Variants in AKT3 observed in about 807,000 individuals in gnomAD.
The protein encoded by AKT3 is RAC-gamma serine/threonine-protein kinase.
In AKT3, 15 loss-of-function variants were observed where a neutral mutation model predicts 65.3. The ratio of observed to expected loss-of-function variants is 0.23; its 90% CI spans 0.15 to 0.35. AKT3 has a LOEUF of 0.35. Among genes scored for constraint, AKT3 ranks in the 10% least tolerant of loss-of-function variants. The pLI, the probability that AKT3 is intolerant of heterozygous loss-of-function variation, is 1.00. For synonymous variants in AKT3, 206 were observed against 183.8 expected (o/e 1.12, Z -0.98); for missense variants, 243 against 576.5 (o/e 0.42, Z 5.92).
intron 2 of AKT3, among the ~76,000 whole-genome samples, chr1:243,795,750 C>T (rs1227490252): frequency 2.6e-5 from 4 of 152,024 alleles, no homozygotes; most frequent in African/African-American, 9.7e-5. Flanking sequence ...GGATTACAGG[C>T]GTGAGCCACC....
intron 4 of AKT3, among the ~76,000 whole-genome samples, chr1:243,656,917 G>A (rs1681846130): frequency 6.6e-6 from 1 of 152,104 alleles, no homozygotes; most frequent in Non-Finnish European, 1.5e-5. Context: ...AATTAGTGGT[G>A]TATCCAATAA....
chr1:243,628,424 G>T (rs1376045225), intron 6 of AKT3, among the ~76,000 whole-genome samples: 1 of 152,002 alleles, frequency 6.6e-6, no homozygotes, highest in Admixed American at 6.6e-5. Flanking sequence ...TCAGCCAAAT[G>T]AGTAGCTGGT....
intron 8 of AKT3, among the ~76,000 whole-genome samples, chr1:243,610,773 T>A (rs976176828): frequency 3.9e-5 from 6 of 152,320 alleles, no homozygotes; most frequent in African/African-American, 1.2e-4. Context: ...GACAAACATA[T>A]ATACACATGT....
intron 13 of AKT3, among the ~76,000 whole-genome samples, chr1:243,490,329 G>T (rs113873048): frequency 6.6e-6 from 1 of 152,222 alleles, no homozygotes; most frequent in Non-Finnish European, 1.5e-5. Context: ...GTGGGGGAGC[G>T]GGCCGCTCAA....
intron 2 of AKT3, among the ~76,000 whole-genome samples, chr1:243,716,929 A>T (rs550332828): frequency 2.0e-5 from 3 of 152,358 alleles, no homozygotes; most frequent in Non-Finnish European, 1.5e-5. Flanking sequence ...CAAAGAATAC[A>T]GGTAGCCCTT....
intron 2 of AKT3, among the ~76,000 whole-genome samples, chr1:243,698,125 C>T (rs746126994): frequency 2.6e-5 from 4 of 151,954 alleles, no homozygotes; most frequent in Admixed American, 6.6e-5. Flanking sequence ...TCCTTAATTG[C>T]TCTTATTTTA....
chr1:243,710,116 C>A (rs1223814271), intron 2 of AKT3, among the ~76,000 whole-genome samples: 1 of 152,084 alleles, frequency 6.6e-6, no homozygotes, highest in Non-Finnish European at 1.5e-5. Flanking sequence ...GCTATTCATG[C>A]AGTATTTTGA....
intron 2 of AKT3, among the ~76,000 whole-genome samples, chr1:243,795,693 G>A (rs1423546052): frequency 4.0e-5 from 6 of 151,236 alleles, no homozygotes; most frequent in African/African-American, 4.9e-5. Flanking sequence ...GGATGGTCTC[G>A]ATCTCCTGAC....
intron 8 of AKT3, among the ~76,000 whole-genome samples, chr1:243,591,155 A>T (rs1422185596): frequency 6.6e-6 from 1 of 152,222 alleles, no homozygotes; most frequent in African/African-American, 2.4e-5. Flanking sequence ...ATTGCCTCGG[A>T]GTCTCATTGA....
At chr1:243,725,443 T>C (rs539160444) in intron 2 of AKT3, among the ~76,000 whole-genome samples, 12 of 151,936 alleles carry the variant, frequency 7.9e-5, no homozygotes, top group East Asian at 5.8e-4. Context: ...GAAAAAAAAT[T>C]ATAACACCAC....
chr1:243,586,248 T>C (rs1574657489), intron 8 of AKT3, among the ~76,000 whole-genome samples: 1 of 152,252 alleles, frequency 6.6e-6, no homozygotes, highest in East Asian at 1.9e-4. Context: ...TACAATAACA[T>C]GTTGACAAGG....
At chr1:243,629,003 A>G (rs1001580802) in intron 6 of AKT3, among the ~76,000 whole-genome samples, 3 of 152,246 alleles carry the variant, frequency 2.0e-5, no homozygotes, top group Non-Finnish European at 4.4e-5. Context: ...TGTGCCAGGC[A>G]TGGTGGCTCA....
chr1:243,748,244 T>C (rs903040029), intron 2 of AKT3, among the ~76,000 whole-genome samples: 8 of 152,008 alleles, frequency 5.3e-5, no homozygotes, highest in African/African-American at 1.7e-4. Flanking sequence ...TTGTAAAAAA[T>C]TGTGGATAGG....
chr1:243,545,522 T>C lies in AKT3; in HGVS notation c.1239A>G (p.Val413=), dbSNP rs375934574. ...AAAGAAATCTTACCTTTTTATCATA[T>C]ACATCTTGCCAGTTTACTCCAGAGA... ...SFFSGVNWQD[V]YDKKLVPPFK... is the part of the protein sequence containing the mutation. Residue 413 remains valine, a synonymous_variant, in exon 12 of 14, where the codon GTA becomes GTG. Transcript: ENST00000673466. 1 of 1,609,238 alleles carries C rather than the reference T, an allele frequency of 6.2e-7. No individual in the cohort carries two copies. The highest frequency in any genetic ancestry group is 8.5e-7 in the Non-Finnish European group (1 of 1,176,048).
At chr1:243,578,183 G>T (rs1280653744) in intron 8 of AKT3, among the ~76,000 whole-genome samples, 2 of 152,066 alleles carry the variant, frequency 1.3e-5, no homozygotes, top group East Asian at 3.9e-4. Flanking sequence ...TTTCATTACT[G>T]GGTATATACC....
At chr1:243,834,402 GAGT>G (rs1694753618) in intron 2 of AKT3, among the ~76,000 whole-genome samples, 1 of 152,128 alleles carries the variant, frequency 6.6e-6, no homozygotes, top group Admixed American at 6.5e-5. Context: ...ACTAATGAAG[GAGT>G]AGAAAACCAA....
At chr1:243,748,328 T>C (rs1195923083) in intron 2 of AKT3, among the ~76,000 whole-genome samples, 2 of 142,496 alleles carry the variant, frequency 1.4e-5, no homozygotes, top group African/African-American at 2.6e-5. Context: ...GCTATACTGA[T>C]TGAACAGAAA....
intron 2 of AKT3, among the ~76,000 whole-genome samples, chr1:243,717,302 T>C (rs1462660758): frequency 6.6e-6 from 1 of 152,218 alleles, no homozygotes; most frequent in Non-Finnish European, 1.5e-5. Flanking sequence ...CCAAGAGTCA[T>C]ACCCAGTGGC....
chr1:243,518,801 T>C (rs1282821639), intron 12 of AKT3, among the ~76,000 whole-genome samples: 1 of 152,200 alleles, frequency 6.6e-6, no homozygotes, highest in Non-Finnish European at 1.5e-5. Flanking sequence ...TTTCAAAAAA[T>C]TTCTGCACCA....
Sources: gnomAD v4.1 joint callset for allele counts (sites outside exome capture counted in the v4.1 genomes callset) on GRCh38, gnomAD v4.1.1 for gene constraint, MANE v1.5 for transcripts, NCBI Gene and HGNC (gene_info 2026-07-23, HGNC 2026-07-21) for gene names.